The following IFT57 variants were observed in gnomAD, a reference collection of about 807,000 sequenced individuals.
The protein encoded by IFT57 is intraflagellar transport 57.
IFT57 carries 59 observed loss-of-function variants against 56.8 expected under a neutral mutation model. The ratio of observed to expected loss-of-function variants is 1.04; its 90% CI spans 0.84 to 1.29. The LOEUF is 1.29. Among genes scored for constraint, IFT57 ranks in the 50% most tolerant of loss-of-function variants. The pLI is 0.00. For synonymous variants in IFT57, 209 were observed against 186.1 expected, an observed-to-expected ratio of 1.12 and a Z score of -1.00; for missense variants, 470 against 522.1, an observed-to-expected ratio of 0.90 and a Z score of 0.97.
Position 108,222,128 on chromosome 3 carries a change from G to C in IFT57, c.195C>G (p.Asn65Lys). The C allele has an allele frequency of 6.2e-7, 1 of 1,607,996 alleles. No homozygotes were observed. Among genetic ancestry groups the C allele is most frequent in the Non-Finnish European group, 8.5e-7 (1 of 1,177,382 alleles). ...GCACCCACCTGGACGGGGCCTTCAG[G>C]TTGCTCTTCCGGAGGAACTCCTCCT... ...RYEEEFLRKS[N>K]LKAPSRHYFA... Residue 65 changes from asparagine to lysine, a missense_variant, in exon 1 of 11, where the codon AAC becomes AAG. By Grantham distance (94) the Asn-to-Lys change is moderately conservative. Transcript: ENST00000264538.
At chr3:108,189,374 T>C (rs1460208754) in intron 6 of IFT57, among the ~76,000 whole-genome samples, 1 of 152,216 alleles carries the variant, frequency 6.6e-6, no homozygotes, top group Non-Finnish European at 1.5e-5. Flanking sequence ...CTACCTGCTC[T>C]GAGACACAGT....
intron 5 of IFT57, among the ~76,000 whole-genome samples, chr3:108,193,568 A>G (rs2080227557): frequency 6.6e-6 from 1 of 152,200 alleles, no homozygotes; most frequent in Admixed American, 6.5e-5. Flanking sequence ...TTCTACTTTA[A>G]ACATTTAAAT....
At chr3:108,172,611 T>C (rs1260376746) in intron 6 of IFT57, among the ~76,000 whole-genome samples, 1 of 151,612 alleles carries the variant, frequency 6.6e-6, no homozygotes, top group Non-Finnish European at 1.5e-5. Context: ...GCAATGCTTG[T>C]GAGAATAGAA....
intron 4 of IFT57, among the ~76,000 whole-genome samples, chr3:108,210,974 C>A (rs1289771): frequency 0.78 from 118,610 of 152,078 alleles, 47,257 homozygotes; most frequent in Non-Finnish European, 0.86. Context: ...GTGCCTTGAA[C>A]TTTAAAGGGT....
intron 6 of IFT57, among the ~76,000 whole-genome samples, chr3:108,170,668 CAA>C (rs375732793): frequency 6.9e-6 from 1 of 144,982 alleles, no homozygotes. Flanking sequence ...CATGTGGAAC[CAA>C]AAAAAAAAAC....
At chr3:108,184,659 G>A (rs562366980) in intron 6 of IFT57, among the ~76,000 whole-genome samples, 12 of 152,226 alleles carry the variant, frequency 7.9e-5, no homozygotes, top group African/African-American at 2.9e-4. Flanking sequence ...AAAATTAACT[G>A]TAGTACAATC....
chr3:108,216,243 A>T (rs1424896708), intron 3 of IFT57, among the ~76,000 whole-genome samples: 1 of 152,226 alleles, frequency 6.6e-6, no homozygotes, highest in Non-Finnish European at 1.5e-5. Context: ...TCCAGTATGT[A>T]TAAGAAATTC....
chr3:108,222,166 G>C lies in IFT57; in HGVS notation c.157C>G (p.Leu53Val). 1 of 1,613,924 alleles carries C rather than the reference G, an allele frequency of 6.2e-7. No individual in the cohort carries two copies. Among genetic ancestry groups the C allele is most frequent in the East Asian group, 2.2e-5 (1 of 44,868 alleles). Reference sequence around the variant, plus strand: ...AGGAACTCCTCCTCGTAGCGGAGCAGCTTCAGCTTCTCCACCAAGTCCTCC... The same window carrying C: ...AGGAACTCCTCCTCGTAGCGGAGCACCTTCAGCTTCTCCACCAAGTCCTCC... ...VMEDLVEKLKLLRYEEEFLRK... is the reference protein window; with the variant it reads ...VMEDLVEKLKVLRYEEEFLRK... Residue 53 changes from leucine (L) to valine (V), a missense_variant, in exon 1 of 11, where the codon CTG (leucine) becomes GTG (valine). Leu to Val is a conservative substitution (Grantham distance 32). Coordinates refer to ENST00000264538, the MANE Select transcript of IFT57 (RefSeq NM_018010.4).
At chr3:108,209,140 ATTG>A (rs1203981466) in intron 4 of IFT57, among the ~76,000 whole-genome samples, 1 of 152,148 alleles carries the variant, frequency 6.6e-6, no homozygotes, top group African/African-American at 2.4e-5. Flanking sequence ...GAGAATTGTG[ATTG>A]TTATGAATAT....
chr3:108,213,036 T>C (rs72933794), intron 4 of IFT57, among the ~76,000 whole-genome samples: 8,345 of 152,298 alleles, frequency 0.055, 308 homozygotes, highest in Middle Eastern at 0.095. Context: ...TTCCACTTAA[T>C]AGTATGTATG....
intron 6 of IFT57, among the ~76,000 whole-genome samples, chr3:108,169,899 A>G (rs1352774930): frequency 1.3e-5 from 2 of 152,066 alleles, no homozygotes. Context: ...GACAAAAACC[A>G]CATGATTATC....
At chr3:108,184,570 A>G (rs1323370461) in intron 6 of IFT57, among the ~76,000 whole-genome samples, 1 of 152,182 alleles carries the variant, frequency 6.6e-6, no homozygotes, top group African/African-American at 2.4e-5. Flanking sequence ...GCACACAAAC[A>G]CAGACTGTAT....
At chr3:108,176,671 T>A (rs1205588102) in intron 6 of IFT57, among the ~76,000 whole-genome samples, 1 of 151,814 alleles carries the variant, frequency 6.6e-6, no homozygotes, top group Non-Finnish European at 1.5e-5. Context: ...GATAAATAAG[T>A]CCCAAAGAAG....
At chr3:108,213,447 C>T (rs541918922) in intron 4 of IFT57, among the ~76,000 whole-genome samples, 4 of 152,242 alleles carry the variant, frequency 2.6e-5, no homozygotes, top group South Asian at 4.1e-4. Context: ...GCATGTAAAA[C>T]ATGTAAAAAG....
rs202090169 is a variant in IFT57 at position 108,207,379 on chromosome 3, TC to T, written c.586-684del. Among the ~76,000 whole-genome samples the T allele has an allele frequency of 6.8e-3, 1,030 of 152,270 alleles. 11 individuals are homozygous for T. Among genetic ancestry groups the T allele is most frequent in the African/African-American group, 0.022 (905 of 41,538 alleles). On this transcript the variant is annotated intron_variant, in intron 4 of 10. Transcript: ENST00000264538. ...CAGTAAATATGGAGTCTGAGCAGGT[TC>T]TATGAGCATGTAGGACAAAACATGA...
At chr3:108,173,796 GTGTGTGTGTGTGTATA>G (rs1158539463) in intron 6 of IFT57, among the ~76,000 whole-genome samples, 11 of 147,962 alleles carry the variant, frequency 7.4e-5, no homozygotes, top group African/African-American at 2.5e-4. Context: ...GTGTGTGTGT[GTGTGTGTGTGTGTATA>G]TAATATAGTA....
chr3:108,163,951 G>A (rs2080047548), intron 9 of IFT57, among the ~76,000 whole-genome samples: 1 of 152,018 alleles, frequency 6.6e-6, no homozygotes, highest in Non-Finnish European at 1.5e-5. Flanking sequence ...CCAAATGGCT[G>A]TCACATCTGT....
chr3:108,189,872 A>G (rs2108317005), intron 6 of IFT57, among the ~76,000 whole-genome samples: 1 of 151,592 alleles, frequency 6.6e-6, no homozygotes, highest in East Asian at 1.9e-4. Flanking sequence ...CTTACAGCAA[A>G]GTAAACTAAA....
chr3:108,163,347 C>T lies in IFT57; in HGVS notation c.1111+316G>A, dbSNP rs541130377. ...TGTATATAAAATAGAAAAAGTGAAG[C>T]TCATTTGATGAAAACAGAACACAAT... On this transcript the variant is annotated intron_variant, in intron 10 of 10. Coordinates refer to ENST00000264538, the MANE Select transcript of IFT57 (RefSeq NM_018010.4). Among the ~76,000 whole-genome samples, 6 of 152,160 alleles carry T rather than the reference C, an allele frequency of 3.9e-5. No homozygotes were observed. The South Asian group carries it at 1.2e-3, about 32-fold the overall frequency.
Sources: allele counts gnomAD v4.1 joint callset (sites outside exome capture counted in the v4.1 genomes callset), GRCh38; gene constraint gnomAD v4.1.1; transcripts MANE v1.5; gene names NCBI Gene and HGNC (gene_info 2026-07-23, HGNC 2026-07-21).